Variants in NRG3 observed in about 807,000 individuals in gnomAD.
The protein encoded by NRG3 is neuregulin 3.
Under a neutral mutation model 66.9 loss-of-function variants are expected in NRG3, and 31 were observed. The observed-to-expected ratio is 0.46, with a 90% CI of 0.35 to 0.63. The LOEUF (loss-of-function observed/expected upper bound fraction) is 0.63. NRG3 is among the 20% of genes least tolerant of loss of function. The pLI, the probability that NRG3 is intolerant of heterozygous loss-of-function variation, is 0.00. For missense variants in NRG3, 910 were observed against 878.9 expected (o/e 1.04, Z -0.45); for synonymous variants, 393 against 359.4 (o/e 1.09, Z -1.06).
At chr10:82,808,691 T>C (rs1281641658) in intron 3 of NRG3, among the ~76,000 whole-genome samples, 2 of 152,182 alleles carry the variant, frequency 1.3e-5, no homozygotes, top group Non-Finnish European at 2.9e-5. Flanking sequence ...ATGCTTCATG[T>C]TTTAAATCAA....
At chr10:82,482,289 C>A (rs969998197) in intron 2 of NRG3, among the ~76,000 whole-genome samples, 29 of 152,094 alleles carry the variant, frequency 1.9e-4, no homozygotes, top group Non-Finnish European at 4.4e-5. Context: ...GAAAGGCTGC[C>A]ACACTGTGTT....
chr10:82,955,399 C>T (rs1849945682), intron 5 of NRG3, among the ~76,000 whole-genome samples: 1 of 151,898 alleles, frequency 6.6e-6, no homozygotes, highest in African/African-American at 2.4e-5. Flanking sequence ...ATTAATTGAG[C>T]CTGTCAAGTC....
At chr10:82,783,641 A>C (rs914508056) in intron 3 of NRG3, among the ~76,000 whole-genome samples, 6 of 152,134 alleles carry the variant, frequency 3.9e-5, no homozygotes, top group Non-Finnish European at 7.4e-5. Flanking sequence ...CTAGGAATCC[A>C]ACTTACAAGG....
intron 1 of NRG3, among the ~76,000 whole-genome samples, chr10:82,207,133 T>A (rs938384881): frequency 7.9e-5 from 12 of 152,212 alleles, no homozygotes; most frequent in African/African-American, 1.2e-4. Flanking sequence ...TTAAGGTATG[T>A]TCTAATCTAG....
In NRG3 at chr10:82,877,534, C is replaced by T. The variant is rs556520836; in HGVS notation, c.1054+12097C>T. Among the ~76,000 whole-genome samples the T allele has an allele frequency of 5.1e-4, 71 of 140,374 alleles. 2 individuals carry two copies. In the East Asian group the frequency reaches 0.013, roughly 25 times the overall value. The allele number at this position is 140,374 out of a possible 152,430, so 92.1% of individuals were successfully genotyped here. A position where few individuals can be genotyped will look rare whatever the true frequency, so the allele number is the denominator to read the frequency against. On this transcript the variant is annotated intron_variant, in intron 4 of 8. Coordinates refer to ENST00000372141, the MANE Select transcript of NRG3 (RefSeq NM_001010848.4). ...GATTACAGGTGCCTGCCACCACACC[C>T]GGCTTTTTTTTTTTTTTTTTTTTTT...
At chr10:82,821,240 C>T (rs369212700) in intron 3 of NRG3, among the ~76,000 whole-genome samples, 1 of 152,282 alleles carries the variant, frequency 6.6e-6, no homozygotes, top group African/African-American at 2.4e-5. Flanking sequence ...AGTCACCTCC[C>T]CACTTCCCTT....
At chr10:82,703,466 A>G (rs1234444987) in intron 2 of NRG3, among the ~76,000 whole-genome samples, 1 of 152,174 alleles carries the variant, frequency 6.6e-6, no homozygotes, top group Admixed American at 6.6e-5. Flanking sequence ...GATTTATTCT[A>G]TCTTGCTACT....
rs181896459 is a variant in NRG3 at position 81,927,081 on chromosome 10, G to T, written c.823+50918G>T. ...CATTGTGCTCCCTGTTAGGCCAAGA[G>T]ATAAAAATAAATTACTAGAGAATTT... On this transcript the variant is annotated intron_variant, in intron 1 of 8. Coordinates refer to ENST00000372141, the MANE Select transcript of NRG3 (RefSeq NM_001010848.4). Among the ~76,000 whole-genome samples, 177 of 152,240 alleles carry T rather than the reference G, an allele frequency of 1.2e-3. 1 individual carries two copies. The highest frequency in any genetic ancestry group is 0.01 in the Middle Eastern group (3 of 294).
chr10:82,455,050 G>C (rs1440552106), intron 2 of NRG3, among the ~76,000 whole-genome samples: 1 of 152,084 alleles, frequency 6.6e-6, no homozygotes, highest in Non-Finnish European at 1.5e-5. Context: ...ACTGGAATTT[G>C]AACCCTCAAA....
intron 2 of NRG3, among the ~76,000 whole-genome samples, chr10:82,637,066 C>T (rs1338168672): frequency 1.3e-5 from 2 of 152,012 alleles, no homozygotes; most frequent in Admixed American, 6.6e-5. Flanking sequence ...TGTAACTGCT[C>T]CTGCCACAGA....
At chr10:81,965,257 GTCTC>G (rs1251477563) in intron 1 of NRG3, among the ~76,000 whole-genome samples, 3 of 152,118 alleles carry the variant, frequency 2.0e-5, no homozygotes, top group Non-Finnish European at 4.4e-5. Context: ...AAAAATTTCT[GTCTC>G]TCTCTGTCAT....
chr10:81,882,439 T>A (rs1247156894), intron 1 of NRG3, among the ~76,000 whole-genome samples: 1 of 152,138 alleles, frequency 6.6e-6, no homozygotes, highest in Non-Finnish European at 1.5e-5. Context: ...CATATATATA[T>A]TTATAAACAA....
chr10:82,665,569 C>A (rs2052703895), intron 2 of NRG3, among the ~76,000 whole-genome samples: 1 of 152,156 alleles, frequency 6.6e-6, no homozygotes, highest in Non-Finnish European at 1.5e-5. Context: ...GTAATACCTA[C>A]CTTGATCTTT....
chr10:82,628,738 CAGGAA>C (rs1565144203), intron 2 of NRG3, among the ~76,000 whole-genome samples: 3 of 152,272 alleles, frequency 2.0e-5, no homozygotes, highest in Non-Finnish European at 4.4e-5. Flanking sequence ...TCTGTCATTT[CAGGAA>C]CAGTTACGGA....
intron 2 of NRG3, among the ~76,000 whole-genome samples, chr10:82,479,260 CT>C (rs1337726832): frequency 1.3e-5 from 2 of 151,934 alleles, no homozygotes; most frequent in East Asian, 3.9e-4. Context: ...ATAAAAATAC[CT>C]TTAACTCAGG....
chr10:82,482,166 C>G (rs1405884306), intron 2 of NRG3, among the ~76,000 whole-genome samples: 1 of 151,952 alleles, frequency 6.6e-6, no homozygotes, highest in Non-Finnish European at 1.5e-5. Flanking sequence ...AAAAAATCCA[C>G]ATGTAGAATT....
intron 2 of NRG3, among the ~76,000 whole-genome samples, chr10:82,534,569 A>T (rs1847633518): frequency 6.6e-6 from 1 of 152,150 alleles, no homozygotes; most frequent in African/African-American, 2.4e-5. Flanking sequence ...CCGGCCAGAA[A>T]AAATTTTAAA....
chr10:82,219,474 C>T (rs1457674331), intron 1 of NRG3, among the ~76,000 whole-genome samples: 1 of 151,810 alleles, frequency 6.6e-6, no homozygotes, highest in Non-Finnish European at 1.5e-5. Context: ...CATAAATGTC[C>T]ATTAACCTTT....
chr10:82,184,657 C>T (rs1440231783), intron 1 of NRG3, among the ~76,000 whole-genome samples: 2 of 152,044 alleles, frequency 1.3e-5, no homozygotes, highest in African/African-American at 2.4e-5. Flanking sequence ...ATTAATTCCT[C>T]GGGGATATAA....
Sources: gnomAD v4.1 joint callset for allele counts (sites outside exome capture counted in the v4.1 genomes callset) on GRCh38, gnomAD v4.1.1 for gene constraint, MANE v1.5 for transcripts, NCBI Gene and HGNC (gene_info 2026-07-23, HGNC 2026-07-21) for gene names.